C10orf67: variants seen among roughly 807,000 people sequenced by gnomAD.
C10orf67 encodes the protein chromosome 10 open reading frame 67.
In C10orf67, 60 loss-of-function variants were observed where a neutral mutation model predicts 35.6. The observed-to-expected ratio is 1.68, with a 90% CI of 1.37 to 2.09. C10orf67 has a LOEUF of 2.09. Among genes scored for constraint, C10orf67 ranks in the 30% most tolerant of loss-of-function variants. The pLI is 0.00. For synonymous variants in C10orf67, 167 were observed against 115.8 expected, an observed-to-expected ratio of 1.44 and a Z score of -2.84; for missense variants, 474 against 330.2, an observed-to-expected ratio of 1.44 and a Z score of -3.38.
intron 7 of C10orf67, among the ~76,000 whole-genome samples, chr10:23,282,967 G>T (rs560522828): frequency 6.6e-6 from 1 of 151,778 alleles, no homozygotes; most frequent in Admixed American, 6.6e-5. Context: ...AAAAAAAAAC[G>T]GCTAGGAAGA....
intron 5 of C10orf67, among the ~76,000 whole-genome samples, chr10:23,301,689 T>C (rs888789039): frequency 2.0e-5 from 3 of 150,848 alleles, no homozygotes; most frequent in Non-Finnish European, 4.4e-5. Flanking sequence ...CATGCGGTGG[T>C]GGTGGGCCTC....
At chr10:23,303,173 C>T (rs1430849110) in intron 5 of C10orf67, 131 bp downstream of exon 5, 2 of 361,754 alleles carry the variant, frequency 5.5e-6, no homozygotes, top group African/African-American at 4.2e-5. Context: ...AAGAGTTAGA[C>T]TGGCTTATAT....
intron 3 of C10orf67, among the ~76,000 whole-genome samples, chr10:23,321,358 C>T (rs938559516): frequency 2.0e-5 from 3 of 152,224 alleles, no homozygotes; most frequent in African/African-American, 7.2e-5. Flanking sequence ...AGGCTTTATA[C>T]TTTTCTAAAA....
At chr10:23,336,998 A>G (rs1845711565) in intron 1 of C10orf67, among the ~76,000 whole-genome samples, 1 of 152,204 alleles carries the variant, frequency 6.6e-6, no homozygotes, top group East Asian at 1.9e-4. Flanking sequence ...AAAATGTAAA[A>G]ATGATGAAGA....
At chr10:23,209,195 A>G (rs1237217328) in intron 15 of C10orf67, among the ~76,000 whole-genome samples, 1 of 152,164 alleles carries the variant, frequency 6.6e-6, no homozygotes, top group Non-Finnish European at 1.5e-5. Context: ...CTTGAAAGCC[A>G]TAGAGATCTG....
intron 2 of C10orf67, among the ~76,000 whole-genome samples, chr10:23,331,197 AGG>A (rs1845446249): frequency 3.8e-5 from 1 of 26,490 alleles, no homozygotes; most frequent in African/African-American, 2.3e-4. Flanking sequence ...AGGGAAGGGA[AGG>A]GAAGGGAAGA....
intron 15 of C10orf67, among the ~76,000 whole-genome samples, chr10:23,222,417 C>G (rs1223058246): frequency 1.3e-5 from 2 of 151,920 alleles, no homozygotes; most frequent in Non-Finnish European, 2.9e-5. Context: ...AGTAGAAAAC[C>G]AAATACTGCA....
At chr10:23,206,916 T>C (rs1018360236) in intron 15 of C10orf67, among the ~76,000 whole-genome samples, 1 of 152,086 alleles carries the variant, frequency 6.6e-6, no homozygotes. Flanking sequence ...AAGATGTATA[T>C]CTCCAAGTTA....
intron 2 of C10orf67, among the ~76,000 whole-genome samples, chr10:23,330,182 G>C (rs1356371812): frequency 6.6e-6 from 1 of 152,186 alleles, no homozygotes; most frequent in African/African-American, 2.4e-5. Flanking sequence ...AAATAGCCAG[G>C]TTTGGTGGCT....
At chr10:23,316,087 C>A (rs769829490) in intron 4 of C10orf67, among the ~76,000 whole-genome samples, 73 of 152,134 alleles carry the variant, frequency 4.8e-4, no homozygotes, top group Admixed American at 1.6e-3. Context: ...CCCGCTTGGC[C>A]GGGCAGGCTG....
At chr10:23,218,662 G>A (rs932251041) in intron 15 of C10orf67, among the ~76,000 whole-genome samples, 3 of 152,120 alleles carry the variant, frequency 2.0e-5, no homozygotes, top group African/African-American at 7.2e-5. Flanking sequence ...TAATGGAAAA[G>A]TTGGTGGCAG....
intron 2 of C10orf67, among the ~76,000 whole-genome samples, chr10:23,323,523 T>C (rs1316232355): frequency 1.3e-5 from 2 of 152,030 alleles, no homozygotes; most frequent in African/African-American, 4.8e-5. Context: ...AATCTTCCCC[T>C]GCTCTGAATG....
rs150382826 is a variant in C10orf67, at chr10:23,302,233, C to T, written c.702+1071G>A. Among the ~76,000 whole-genome samples, 437 of 151,196 alleles carry T rather than the reference C, an allele frequency of 2.9e-3. 2 individuals carry two copies. The highest frequency in any genetic ancestry group is 1.0e-2 in the African/African-American group (412 of 41,262). On this transcript the variant is annotated intron_variant, in intron 5 of 15. Transcript: ENST00000636213. ...ATCATATTATAATATATTATGATAA[C>T]ATAATCTATACATTATAATCTGTAC...
chr10:23,248,075 G>A (rs1311028786), intron 12 of C10orf67, among the ~76,000 whole-genome samples: 2 of 152,206 alleles, frequency 1.3e-5, no homozygotes, highest in African/African-American at 4.8e-5. Context: ...GAGAAGGGAT[G>A]TGTGCATGGA....
intron 7 of C10orf67, among the ~76,000 whole-genome samples, chr10:23,288,436 A>G (rs967683237): frequency 2.6e-5 from 4 of 152,176 alleles, no homozygotes; most frequent in African/African-American, 7.2e-5. Context: ...ACATGGACAC[A>G]GATTGGGGAA....
intron 12 of C10orf67, among the ~76,000 whole-genome samples, chr10:23,248,223 T>C (rs1284629140): frequency 6.6e-6 from 1 of 152,190 alleles, no homozygotes; most frequent in African/African-American, 2.4e-5. Context: ...CTCAGGTGGA[T>C]GCATGTGGAT....
chr10:23,208,726 C>G (rs1383877305), intron 15 of C10orf67, among the ~76,000 whole-genome samples: 1 of 152,196 alleles, frequency 6.6e-6, no homozygotes, highest in Non-Finnish European at 1.5e-5. Flanking sequence ...TTGTTATCCA[C>G]AGCCTTTGCA....
chr10:23,333,251 CTT>C (rs1214985658), intron 1 of C10orf67, 69 bp from the exon 2 acceptor site: 4 of 1,396,700 alleles, frequency 2.9e-6, no homozygotes, highest in Non-Finnish European at 4.0e-6. Flanking sequence ...GTTAATGCGT[CTT>C]TTTTTGTGTA....
chr10:23,298,818 A>G lies in C10orf67; in HGVS notation c.702+4486T>C, dbSNP rs556069677. 6.6e-5 allele frequency among the ~76,000 whole-genome samples: 10 copies of G among 152,310 alleles called. No individual in the cohort carries two copies. In the South Asian group the frequency reaches 8.3e-4, roughly 13 times the overall value. ...AGCACCTGGGTGGCTTGATGACACA[A>G]GGTTTCTGAATGGGCGGCTAAAAGT... is the stretch of plus-strand genomic sequence containing the variant. On this transcript the variant is annotated intron_variant, in intron 5 of 15. Coordinates refer to ENST00000636213, the MANE Select transcript of C10orf67 (RefSeq NM_001371909.1).
Sources: gnomAD v4.1 joint callset for allele counts (sites outside exome capture counted in the v4.1 genomes callset) on GRCh38, gnomAD v4.1.1 for gene constraint, MANE v1.5 for transcripts, NCBI Gene and HGNC (gene_info 2026-07-23, HGNC 2026-07-21) for gene names.